Variants in CLASRP observed in about 807,000 individuals in gnomAD.
CLASRP encodes CLK4-associating serine/arginine rich protein.
CLASRP carries 52 observed loss-of-function variants against 99.9 expected under a neutral mutation model. That is an observed-to-expected ratio of 0.52 (90% CI 0.42 to 0.66). CLASRP has a LOEUF of 0.66. Among genes scored for constraint, CLASRP ranks in the 30% least tolerant of loss-of-function variants. The pLI is 0.00. For synonymous variants in CLASRP, 379 were observed against 373.0 expected, an observed-to-expected ratio of 1.02 and a Z score of -0.18; for missense variants, 848 against 999.2, an observed-to-expected ratio of 0.85 and a Z score of 2.04.
At chr19:45,041,522 TC>T (rs1971813940) in intron 2 of CLASRP, among the ~76,000 whole-genome samples, 1 of 152,230 alleles carries the variant, frequency 6.6e-6, no homozygotes, top group Non-Finnish European at 1.5e-5. Context: ...GGTTCAGTGT[TC>T]CTGTCAGATG....
intron 6 of CLASRP, among the ~76,000 whole-genome samples, chr19:45,057,331 T>G (rs1205216961): frequency 2.6e-5 from 4 of 152,164 alleles, no homozygotes; most frequent in Non-Finnish European, 4.4e-5. Flanking sequence ...TCTTGGAGAC[T>G]TCAGCCCTCG....
intron 1 of CLASRP, among the ~76,000 whole-genome samples, chr19:45,039,351 C>A (rs570876956): frequency 6.6e-6 from 1 of 150,758 alleles, no homozygotes; most frequent in East Asian, 1.9e-4. Context: ...GCCCCGCCCC[C>A]TTGTCAAAAA....
At position 45,062,136 on chromosome 19, in the gene CLASRP, C is replaced by G; in HGVS notation, c.864-18C>G. 6.9e-7 allele frequency: 1 copy of G among 1,455,240 alleles called. No individual in the cohort carries two copies. Among genetic ancestry groups the G allele is most frequent in the Non-Finnish European group, 9.7e-7 (1 of 1,036,068 alleles). 90.1% of individuals were successfully genotyped at this position (1,455,240 alleles called of 1,614,324 possible). ...ATCTTAAGCCCTAATTTGTCCCACC[C>G]CATTCTTTTCTCTGTAGCTATGCCC... On this transcript the variant is annotated intron_variant, in intron 10 of 20. Transcript: ENST00000221455.
chr19:45,070,290 G>T (rs1453161317), intron 19 of CLASRP, among the ~76,000 whole-genome samples, 186 bp downstream of exon 19: 3 of 152,066 alleles, frequency 2.0e-5, no homozygotes, highest in Admixed American at 2.0e-4. Flanking sequence ...GACCAACATG[G>T]TGACACACAT....
intron 3 of CLASRP, among the ~76,000 whole-genome samples, 197 bp from the exon 4 acceptor site, chr19:45,052,593 AG>A (rs1228886703): frequency 2.0e-5 from 3 of 152,120 alleles, no homozygotes; most frequent in East Asian, 3.9e-4. Context: ...TTCAGGTCCC[AG>A]GAGCCTGAAT....
chr19:45,040,716 G>A, intron 2 of CLASRP: 1 of 169,616 alleles, frequency 5.9e-6, no homozygotes, highest in Non-Finnish European at 1.3e-5. Flanking sequence ...CTGGCACAGT[G>A]GCTCACGCCT....
At chr19:45,068,570 T>C in intron 16 of CLASRP, 90 bp downstream of exon 16, 1 of 1,028,460 alleles carries the variant, frequency 9.7e-7, no homozygotes, top group Non-Finnish European at 1.5e-6. Flanking sequence ...TTGGGAGGCC[T>C]GGCCCTTCCC....
chr19:45,053,230 A>G (rs1006402869), intron 5 of CLASRP, 53 bp downstream of exon 5: 4 of 1,578,046 alleles, frequency 2.5e-6, no homozygotes, highest in African/African-American at 1.3e-5. Context: ...TGGAGCCTGG[A>G]AGACCTAGAT....
At chr19:45,047,989 C>T (rs1436733960) in intron 2 of CLASRP, among the ~76,000 whole-genome samples, 2 of 151,590 alleles carry the variant, frequency 1.3e-5, no homozygotes, top group African/African-American at 2.4e-5. Flanking sequence ...GCAGGAGAAT[C>T]GCTTGAACCT....
In CLASRP at chr19:45,062,681, A is replaced by G. The variant is rs373684322; in HGVS notation, c.905+486A>G. Among the ~76,000 whole-genome samples, 74 of 152,274 alleles carry G rather than the reference A, an allele frequency of 4.9e-4. 1 individual carries two copies. Among genetic ancestry groups the G allele is most frequent in the African/African-American group, 1.7e-3 (72 of 41,544 alleles). On this transcript the variant is annotated intron_variant, in intron 11 of 20. Coordinates refer to ENST00000221455, the MANE Select transcript of CLASRP (RefSeq NM_007056.3). ...CAGGCGTGAGCCACCACGCCCGGCC[A>G]ATAAAATTTTCTTTATCTTTGAAGC...
intron 2 of CLASRP, among the ~76,000 whole-genome samples, chr19:45,045,399 C>T (rs1238908300): frequency 6.6e-6 from 1 of 152,108 alleles, no homozygotes; most frequent in African/African-American, 2.4e-5. Context: ...CATCTGTGGT[C>T]CCAGCTCCTC....
intron 10 of CLASRP, among the ~76,000 whole-genome samples, chr19:45,061,325 CAG>C (rs553738892): frequency 1.3e-5 from 2 of 152,228 alleles, no homozygotes; most frequent in South Asian, 4.1e-4. Context: ...CAGAGGCACA[CAG>C]AGGGTAGTGC....
intron 2 of CLASRP, among the ~76,000 whole-genome samples, chr19:45,048,680 T>G (rs1204274402): frequency 6.6e-6 from 1 of 151,838 alleles, no homozygotes; most frequent in Admixed American, 6.6e-5. Context: ...TTTACTCATC[T>G]GTAACATGGG....
rs779426685 is a variant in CLASRP, at chr19:45,070,852, G to A, written c.*7G>A. The A allele has an allele frequency of 6.5e-7, 1 of 1,544,042 alleles. No homozygotes were observed. The highest frequency in any genetic ancestry group is 8.9e-7 in the Non-Finnish European group (1 of 1,120,396). On this transcript the variant is annotated 3_prime_UTR_variant, in exon 21 of 21. Coordinates refer to ENST00000221455, the MANE Select transcript of CLASRP (RefSeq NM_007056.3). Reference sequence around the variant, plus strand: ...CCCCCATTACCGACATTAGGCAGAAGAGTGGGGGGTGGGGAGGACAAGGGG... The same window carrying A: ...CCCCCATTACCGACATTAGGCAGAAAAGTGGGGGGTGGGGAGGACAAGGGG...
chr19:45,045,038 A>G (rs768931140), intron 2 of CLASRP, among the ~76,000 whole-genome samples: 2 of 152,226 alleles, frequency 1.3e-5, no homozygotes, highest in Non-Finnish European at 2.9e-5. Flanking sequence ...TCTTAGCCAC[A>G]GAAAAGCCAA....
At chr19:45,044,977 C>T (rs1031192279) in intron 2 of CLASRP, among the ~76,000 whole-genome samples, 10 of 152,200 alleles carry the variant, frequency 6.6e-5, no homozygotes, top group Admixed American at 2.6e-4. Context: ...AGCTTTGGCT[C>T]TAACAAACCT....
Position 45,069,086 on chromosome 19 carries a change from G to A in CLASRP, c.1789G>A (p.Ala597Thr). Residue 597 changes from alanine to threonine, a missense_variant, in exon 17 of 21, where the codon GCA becomes ACA. By Grantham distance (58) the Ala-to-Thr change is moderately conservative (BLOSUM62 0). This residue lies in a region of CLASRP where 116 missense variants were observed against 162.7 expected (regional missense o/e 0.71). Transcript: ENST00000221455. ...TACAGTCAAGGCGGATAAGAAGGCG[G>A]CACAAGAAAAGATGATCCAGCAGGA... ...NRQFKADKKA[A>T]QEKMIQQEHE... is the part of the protein sequence containing the mutation. 3.1e-6 allele frequency: 5 copies of A among 1,614,144 alleles called. No individual in the cohort carries two copies. The highest frequency in any genetic ancestry group is 4.2e-6 in the Non-Finnish European group (5 of 1,180,004).
Position 45,052,876 on chromosome 19 carries a change from C to A in CLASRP, c.283C>A (p.Pro95Thr), listed in dbSNP as rs150594731. The A allele has an allele frequency of 1.1e-5, 18 of 1,609,772 alleles. No individual in the cohort carries two copies. The highest frequency in any genetic ancestry group is 5.1e-5 in the Admixed American group (3 of 58,656). Residue 95 changes from proline to threonine, a missense_variant, in exon 4 of 21, where the codon CCT becomes ACT. Pro to Thr is a conservative substitution (Grantham distance 38, BLOSUM62 -1). Coordinates refer to ENST00000221455, the MANE Select transcript of CLASRP (RefSeq NM_007056.3). ...GGACCACATCCCCGACTACACCCCC[C>A]CTCTGCTCACCACCATGTAAGCCAC... ...HLDHIPDYTP[P>T]LLTTISPEQE...
At chr19:45,059,877 C>T (rs1966900378) in intron 8 of CLASRP, among the ~76,000 whole-genome samples, 1 of 152,124 alleles carries the variant, frequency 6.6e-6, no homozygotes. Context: ...GCCGAAAGGT[C>T]TTACCCATCT....
Sources: gnomAD v4.1 joint callset for allele counts (sites outside exome capture counted in the v4.1 genomes callset) on GRCh38, gnomAD v4.1.1 for gene constraint, gnomAD v4.1.1 regional missense constraint, MANE v1.5 for transcripts, NCBI Gene and HGNC (gene_info 2026-07-23, HGNC 2026-07-21) for gene names.